CEBPZ: variants seen among roughly 807,000 people sequenced by gnomAD.
The protein encoded by CEBPZ is CCAAT/enhancer-binding protein zeta.
A neutral mutation model predicts 104.5 loss-of-function variants in CEBPZ; 78 were observed. That is an observed-to-expected ratio of 0.75 (90% confidence interval 0.62 to 0.90). The LOEUF is 0.90. Among genes scored for constraint, CEBPZ ranks in the 40% least tolerant of loss-of-function variants. CEBPZ has a pLI of 0.00. For synonymous variants in CEBPZ, 470 were observed against 427.0 expected (o/e 1.10, Z -1.24); for missense variants, 1,439 against 1,233.5 (o/e 1.17, Z -2.50).
chr2:37,227,086 G>A (rs900129278), intron 2 of CEBPZ, among the ~76,000 whole-genome samples: 3 of 152,152 alleles, frequency 2.0e-5, no homozygotes, highest in Non-Finnish European at 4.4e-5. Flanking sequence ...CATACTGCAG[G>A]CACTCAGAAA....
chr2:37,228,330 G>T lies in CEBPZ; in HGVS notation c.863C>A (p.Thr288Asn), dbSNP rs1457158120. The stretch of plus-strand genomic sequence containing the variant: ...GTCTGTGATAAGCAACTCTTTGAAA[G>T]TATCCAAGGCCATAAGGCACTGCTG... The part of the protein sequence containing the change: ...SKQQCLMALD[T>N]FKELLITDLL... The change falls in exon 2 of 16, where the codon ACT (threonine) becomes AAT (asparagine). Residue 288 changes from threonine to asparagine, a missense_variant. By Grantham distance (65) the Thr-to-Asn change is moderately conservative (BLOSUM62 0). Transcript: ENST00000234170. 1 of 1,614,052 alleles carries T rather than the reference G, an allele frequency of 6.2e-7. No individual in the cohort carries two copies. The highest frequency in any genetic ancestry group is 1.3e-5 in the African/African-American group (1 of 74,912).
At position 37,213,926 on chromosome 2, in the gene CEBPZ, TTTTG is replaced by T. The variant is rs1307162029; in HGVS notation, c.2479_2482del (p.Gln827AsnfsTer9). 4.4e-6 allele frequency: 7 copies of T among 1,591,694 alleles called. No homozygotes were observed. Among genetic ancestry groups the T allele is most frequent in the Admixed American group, 1.8e-5 (1 of 54,076 alleles). ...TATACTTTCTTCATCTGCATCCCGT[TTTTG>T]TTTCTCTTTAACAGCAACTTTTTTA... On this transcript the variant is annotated frameshift_variant, in exon 10 of 16. Coordinates refer to ENST00000234170, the MANE Select transcript of CEBPZ (RefSeq NM_005760.3). LOFTEE classifies it high-confidence loss of function.
At chr2:37,214,376 G>C (rs1463331561) in intron 9 of CEBPZ, among the ~76,000 whole-genome samples, 1 of 152,026 alleles carries the variant, frequency 6.6e-6, no homozygotes, top group Non-Finnish European at 1.5e-5. Flanking sequence ...GTTGGTTTAG[G>C]ACTTATTTCT....
chr2:37,230,137 AAGAC>A (rs1168125417), intron 1 of CEBPZ, among the ~76,000 whole-genome samples: 1 of 152,254 alleles, frequency 6.6e-6, no homozygotes, highest in African/African-American at 2.4e-5. Flanking sequence ...TAGATAAATT[AAGAC>A]AGACAAAATG....
At chr2:37,219,554 C>T (rs2148357145) in intron 5 of CEBPZ, among the ~76,000 whole-genome samples, 1 of 152,134 alleles carries the variant, frequency 6.6e-6, no homozygotes, top group South Asian at 2.1e-4. Context: ...GTGATGAAAA[C>T]AAATAATGTA....
chr2:37,211,996 C>T lies in CEBPZ; in HGVS notation c.2647G>A (p.Asp883Asn). The part of the protein sequence containing the change: ...RTKGAKDNTL[D>N]EDSEGSDDEL... ...TCATCACTACCTTCTGAATCTTCAT[C>T]TAATGTGTTATCCTTAGCTCCTTTT... Residue 883 changes from aspartate (D) to asparagine (N), a missense_variant, in exon 12 of 16, where the codon GAT becomes AAT. Coordinates refer to ENST00000234170, the MANE Select transcript of CEBPZ (RefSeq NM_005760.3). The T allele has an allele frequency of 6.2e-7, 1 of 1,610,692 alleles. No homozygotes were observed. Among genetic ancestry groups the T allele is most frequent in the Non-Finnish European group, 8.5e-7 (1 of 1,179,074 alleles).
chr2:37,229,762 C>G (rs915741987), intron 1 of CEBPZ, among the ~76,000 whole-genome samples: 12 of 152,194 alleles, frequency 7.9e-5, no homozygotes, highest in African/African-American at 2.2e-4. Context: ...GGCTTGAGTA[C>G]AGTGGCATGA....
rs532859700 is a variant in CEBPZ, at chr2:37,207,588, A to G, written c.2884+3411T>C. ...CAACAATGAAATCAAGATGGAAATT[A>G]AAATTTTTTGAACTGAACAATAGTG... On this transcript the variant is annotated intron_variant, in intron 13 of 15. Coordinates refer to ENST00000234170, the MANE Select transcript of CEBPZ (RefSeq NM_005760.3). Among the ~76,000 whole-genome samples the G allele has an allele frequency of 2.8e-4, 42 of 152,114 alleles. 1 individual carries two copies. Among genetic ancestry groups the G allele is most frequent in the Non-Finnish European group, 4.9e-4 (33 of 68,002 alleles).
intron 7 of CEBPZ, 35 bp downstream of exon 7, chr2:37,216,281 A>T: frequency 1.2e-6 from 2 of 1,606,550 alleles, no homozygotes; most frequent in Non-Finnish European, 1.7e-6. Context: ...TGTATTAAAA[A>T]TGAAAGCCAA....
At position 37,214,876 on chromosome 2, in the gene CEBPZ, T is replaced by G. The variant is rs774918894; in HGVS notation, c.2447+10A>C. On this transcript the variant is annotated intron_variant, in intron 9 of 15. Transcript: ENST00000234170. ...AGTTTCCCCAAATGAAACTATATTATGTATAGTACCTGTGGAAAAACACTT... is the reference window on the plus strand; with the variant it reads ...AGTTTCCCCAAATGAAACTATATTAGGTATAGTACCTGTGGAAAAACACTT... 2 of 1,564,856 alleles carry G rather than the reference T, an allele frequency of 1.3e-6. No homozygotes were observed. The highest frequency in any genetic ancestry group is 1.8e-6 in the Non-Finnish European group (2 of 1,137,644).
At chr2:37,223,445 C>T (rs551232870) in intron 2 of CEBPZ, 44 bp from the exon 3 acceptor site, 3 of 1,515,834 alleles carry the variant, frequency 2.0e-6, no homozygotes, top group East Asian at 2.3e-5. Flanking sequence ...ATAAAACCAT[C>T]TCCACAACCA....
intron 5 of CEBPZ, among the ~76,000 whole-genome samples, chr2:37,219,400 T>C (rs1664711495): frequency 7.5e-6 from 1 of 133,504 alleles, no homozygotes; most frequent in African/African-American, 2.4e-5. Context: ...TAAGTCATAC[T>C]GGCTTTTTTT....
At chr2:37,204,984 C>T (rs1284119901) in intron 13 of CEBPZ, among the ~76,000 whole-genome samples, 1 of 152,154 alleles carries the variant, frequency 6.6e-6, no homozygotes, top group East Asian at 1.9e-4. Context: ...CAACACTTTT[C>T]TGTGGGATGC....
chr2:37,227,783 C>T lies in CEBPZ; in HGVS notation c.1410G>A (p.Arg470=), dbSNP rs369757856. Residue 470 remains arginine, a synonymous_variant, in exon 2 of 16, where the codon CGG becomes CGA. Coordinates refer to ENST00000234170, the MANE Select transcript of CEBPZ (RefSeq NM_005760.3). The part of the protein sequence containing the change: ...KLITVYFCFF[R]TCVKKKDVES... The stretch of plus-strand genomic sequence containing the variant: ...CAACATCTTTTTTTTTGACACAAGT[C>T]CGAAAAAAGCAAAAGTAAACAGTTA... 5.0e-6 allele frequency: 8 copies of T among 1,613,632 alleles called. No individual in the cohort carries two copies. In the Middle Eastern group the frequency reaches 4.9e-4, roughly 99 times the overall value.
chr2:37,202,524 A>C (rs1677304803), intron 15 of CEBPZ: 1 of 283,308 alleles, frequency 3.5e-6, no homozygotes, highest in African/African-American at 2.2e-5. Context: ...GCATGCCTGT[A>C]ATCCCAGCTA....
At chr2:37,216,690 C>A (rs1021676411) in intron 6 of CEBPZ, among the ~76,000 whole-genome samples, 3 of 152,128 alleles carry the variant, frequency 2.0e-5, no homozygotes, top group Admixed American at 6.5e-5. Context: ...AGGAACCAAA[C>A]CCTGAAGTGG....
intron 5 of CEBPZ, 141 bp from the exon 6 acceptor site, chr2:37,217,178 G>C: frequency 1.6e-6 from 1 of 641,932 alleles, no homozygotes; most frequent in Non-Finnish European, 2.8e-6. Context: ...CAGGCAGATT[G>C]CTTGAGCCCA....
intron 2 of CEBPZ, 40 bp from the exon 3 acceptor site, chr2:37,223,441 C>G (rs1261674981): frequency 6.5e-7 from 1 of 1,539,944 alleles, no homozygotes; most frequent in South Asian, 1.1e-5. Flanking sequence ...ATGTATAAAA[C>G]CATCTCCACA....
In CEBPZ at chr2:37,222,445, G is replaced by C; in HGVS notation, c.2000C>G (p.Pro667Arg). 1 of 1,608,848 alleles carries C rather than the reference G, an allele frequency of 6.2e-7. No homozygotes were observed. The highest frequency in any genetic ancestry group is 1.3e-5 in the African/African-American group (1 of 74,702). ...VKKLETEETV[P>R]ETDVETKKPE... ...TTTTTTGGTTTCTACATCAGTTTCAGGAACTGTTTCCTCTGTCTCAAGTTT... is the reference window on the plus strand; with the variant it reads ...TTTTTTGGTTTCTACATCAGTTTCACGAACTGTTTCCTCTGTCTCAAGTTT... The change falls in exon 4 of 16, where the codon CCT becomes CGT. Residue 667 changes from proline to arginine, a missense_variant. By Grantham distance (103) the Pro-to-Arg change is moderately radical. Transcript: ENST00000234170.
Sources: gnomAD v4.1 joint callset for allele counts (sites outside exome capture counted in the v4.1 genomes callset) on GRCh38, gnomAD v4.1.1 for gene constraint, MANE v1.5 for transcripts, NCBI Gene and HGNC (gene_info 2026-07-23, HGNC 2026-07-21) for gene names.